FLNB: variants seen among roughly 807,000 people sequenced by gnomAD.
The protein encoded by FLNB is filamin-B.
In FLNB, 111 loss-of-function variants were observed where a neutral mutation model predicts 250.6. That is an observed-to-expected ratio of 0.44 (90% CI 0.38 to 0.52). The LOEUF is 0.52. Ranked by LOEUF, FLNB falls within the 20% of genes least tolerant of loss-of-function variation. The pLI is 0.00. For missense variants in FLNB, 2,869 were observed against 3,447.8 expected, an observed-to-expected ratio of 0.83 and a Z score of 4.20; for synonymous variants, 1,302 against 1,372.1, an observed-to-expected ratio of 0.95 and a Z score of 1.13.
chr3:58,112,651 A>G (rs531789187), intron 18 of FLNB, among the ~76,000 whole-genome samples: 3 of 152,084 alleles, frequency 2.0e-5, no homozygotes, highest in East Asian at 3.9e-4. Flanking sequence ...ACACATGTGC[A>G]CACACACACA....
intron 1 of FLNB, among the ~76,000 whole-genome samples, chr3:58,011,548 G>A (rs2097098978): frequency 6.6e-6 from 1 of 152,180 alleles, no homozygotes; most frequent in African/African-American, 2.4e-5. Context: ...CTGCTGTGGG[G>A]ATAAAGCAGG....
In FLNB at chr3:58,008,540, G is replaced by T. The variant is rs530577938; in HGVS notation, c.-25G>T. On this transcript the variant is annotated 5_prime_UTR_variant, in exon 1 of 46. Coordinates refer to ENST00000295956, the MANE Select transcript of FLNB (RefSeq NM_001457.4). ...ACACCAGTCCCCGGCAGCTCGTTGC[G>T]CATTGCGCTCTCCCCGCCACCAGGA... The T allele has an allele frequency of 1.9e-6, 3 of 1,566,798 alleles. No homozygotes were observed. The highest frequency in any genetic ancestry group is 1.4e-5 in the African/African-American group (1 of 73,670).
chr3:58,148,642 G>A lies in FLNB; in HGVS notation c.5888-7G>A. 6.2e-7 allele frequency: 1 copy of A among 1,612,804 alleles called. No individual in the cohort carries two copies. The highest frequency in any genetic ancestry group is 1.1e-5 in the South Asian group (1 of 91,052). On this transcript the variant is annotated splice_region_variant and splice_polypyrimidine_tract_variant and intron_variant, in intron 35 of 45. Transcript: ENST00000295956. ...CCTTACAAGCCCCAATCTGTGTTCT[G>A]GTCCAGGCATCTCCTTCATCCCCCG...
intron 4 of FLNB, among the ~76,000 whole-genome samples, chr3:58,094,119 G>A (rs571704674): frequency 5.3e-5 from 8 of 152,368 alleles, no homozygotes; most frequent in African/African-American, 1.9e-4. Context: ...TTGAGATGGA[G>A]TCATGCTCTG....
At chr3:58,038,271 C>T (rs1260062764) in intron 1 of FLNB, among the ~76,000 whole-genome samples, 1 of 152,054 alleles carries the variant, frequency 6.6e-6, no homozygotes, top group Non-Finnish European at 1.5e-5. Context: ...TCAGGTGATC[C>T]ACCTGCCTTG....
At chr3:58,103,265 G>GGTGTGTGTGTGTGTGTGTGTGTGT (rs10571409) in intron 9 of FLNB, among the ~76,000 whole-genome samples, 17 of 148,062 alleles carry the variant, frequency 1.1e-4, no homozygotes, top group South Asian at 2.2e-4. Context: ...AGCCAAGGAG[G>GGTGTGTGTGTGTGTGTGTGTGTGT]GTGTGTGTGT....
chr3:58,134,905 G>GTCAGTAAATGTGCAGAAGCAGAA (rs1349021608), intron 27 of FLNB, 133 bp downstream of exon 27: 1 of 825,802 alleles, frequency 1.2e-6, no homozygotes, highest in Middle Eastern at 2.5e-4. Context: ...CCACCAAAGA[G>GTCAGTAAATGTGCAGAAGCAGAA]TCAGTAAATG....
intron 1 of FLNB, among the ~76,000 whole-genome samples, chr3:58,033,954 G>A (rs957694857): frequency 2.6e-5 from 4 of 151,850 alleles, no homozygotes; most frequent in African/African-American, 7.3e-5. Context: ...TCCACCTCCC[G>A]GGTTCAAGCA....
intron 4 of FLNB, among the ~76,000 whole-genome samples, chr3:58,086,064 C>T (rs1198852462): frequency 6.6e-6 from 1 of 152,070 alleles, no homozygotes. Flanking sequence ...GATGCCATCA[C>T]GGCTAACTGC....
chr3:58,045,020 T>A (rs1001580410), intron 1 of FLNB, among the ~76,000 whole-genome samples: 1 of 152,208 alleles, frequency 6.6e-6, no homozygotes, highest in African/African-American at 2.4e-5. Context: ...GGCTGCAATG[T>A]CTGGCTTCTG....
chr3:58,153,654 G>A lies in FLNB; in HGVS notation c.6634+13G>A, dbSNP rs763739799. ...GCGGGAGTCCCAGGTGAGCATTGCG[G>A]GCAGGATTTTCACTTGGGAAGAATA... On this transcript the variant is annotated intron_variant, in intron 39 of 45. Coordinates refer to ENST00000295956, the MANE Select transcript of FLNB (RefSeq NM_001457.4). The A allele has an allele frequency of 1.9e-6, 3 of 1,613,806 alleles. No homozygotes were observed. Among genetic ancestry groups the A allele is most frequent in the Non-Finnish European group, 2.5e-6 (3 of 1,179,890 alleles).
rs768308822 is a variant in FLNB at position 58,112,290 on chromosome 3, A to G, written c.2717A>G (p.His906Arg). The change falls in exon 18 of 46, where the codon CAC becomes CGC. Residue 906 changes from histidine (H) to arginine (R), a missense_variant. Around this residue, in one of 5 missense-constraint regions of FLNB, gnomAD observed 1,348 missense variants for 1,466.7 expected, o/e 0.92. Coordinates refer to ENST00000295956, the MANE Select transcript of FLNB (RefSeq NM_001457.4). ...ATCATCGATAATTATGACTACTCTC[A>G]CACGGTTAAATATACACCCACCCAA... ...LDIIDNYDYS[H>R]TVKYTPTQQG... 3.7e-6 allele frequency: 6 copies of G among 1,613,652 alleles called. No individual in the cohort carries two copies. The highest frequency in any genetic ancestry group is 5.1e-6 in the Non-Finnish European group (6 of 1,180,030).
intron 1 of FLNB, among the ~76,000 whole-genome samples, chr3:58,069,989 G>A (rs936552964): frequency 6.6e-6 from 1 of 151,950 alleles, no homozygotes; most frequent in Non-Finnish European, 1.5e-5. Flanking sequence ...ATGGAGGGGA[G>A]GGAGGGAACA....
At chr3:58,101,790 A>T (rs2097251627) in intron 8 of FLNB, among the ~76,000 whole-genome samples, 2 of 152,362 alleles carry the variant, frequency 1.3e-5, no homozygotes, top group African/African-American at 4.8e-5. Context: ...GGCATTTTCA[A>T]GTACTGCATT....
intron 4 of FLNB, among the ~76,000 whole-genome samples, chr3:58,093,923 T>C (rs2097233043): frequency 6.6e-6 from 1 of 152,112 alleles, no homozygotes; most frequent in African/African-American, 2.4e-5. Context: ...AATAATAAAA[T>C]TACAGTGTGG....
intron 12 of FLNB, among the ~76,000 whole-genome samples, chr3:58,107,293 A>G (rs2097261323): frequency 6.6e-6 from 1 of 152,164 alleles, no homozygotes; most frequent in Non-Finnish European, 1.5e-5. Context: ...GGCCCTCCCA[A>G]AGTGCTGGGA....
chr3:58,040,614 C>G (rs1339942872), intron 1 of FLNB, among the ~76,000 whole-genome samples: 3 of 152,218 alleles, frequency 2.0e-5, no homozygotes, highest in Non-Finnish European at 4.4e-5. Flanking sequence ...CCTGCCTAAG[C>G]CTCCTGAGTA....
At chr3:58,011,469 C>T (rs759350725) in intron 1 of FLNB, among the ~76,000 whole-genome samples, 17 of 152,154 alleles carry the variant, frequency 1.1e-4, no homozygotes, top group Non-Finnish European at 1.8e-4. Context: ...ATTGCTCTCC[C>T]GAGAGATCTT....
Position 58,093,630 on chromosome 3 carries a change from T to C in FLNB, c.788-1206T>C, listed in dbSNP as rs571827863. 5.0e-3 allele frequency among the ~76,000 whole-genome samples: 475 copies of C among 94,548 alleles called. 1 individual carries two copies. Among genetic ancestry groups the C allele is most frequent in the African/African-American group, 0.019 (454 of 24,104 alleles). 62.0% of individuals were successfully genotyped at this position (94,548 alleles called of 152,430 possible). ...ATAATTTCTTACTATTTTATACTTA[T>C]GTTCACACACACACACACACACACA... On this transcript the variant is annotated intron_variant, in intron 4 of 45. Coordinates refer to ENST00000295956, the MANE Select transcript of FLNB (RefSeq NM_001457.4).
Sources: gnomAD v4.1 joint callset for allele counts (sites outside exome capture counted in the v4.1 genomes callset) on GRCh38, gnomAD v4.1.1 for gene constraint, gnomAD v4.1.1 regional missense constraint, MANE v1.5 for transcripts, NCBI Gene and HGNC (gene_info 2026-07-23, HGNC 2026-07-21) for gene names.